The following CDH13 variants were observed in gnomAD, a reference collection of about 807,000 sequenced individuals.
CDH13 encodes the protein cadherin-13.
Under a neutral mutation model 63.8 loss-of-function variants are expected in CDH13, and 24 were observed. The ratio of observed to expected loss-of-function variants is 0.38; its 90% CI spans 0.27 to 0.53. The LOEUF is 0.53. Ranked by LOEUF, CDH13 falls within the 20% of genes least tolerant of loss-of-function variation. CDH13 has a pLI of 0.85. For synonymous variants in CDH13, 503 were observed against 355.3 expected, an observed-to-expected ratio of 1.42 and a Z score of -4.67; for missense variants, 1,049 against 903.1, an observed-to-expected ratio of 1.16 and a Z score of -2.07.
At chr16:83,403,539 C>T (rs1448557893) in intron 6 of CDH13, among the ~76,000 whole-genome samples, 1 of 151,944 alleles carries the variant, frequency 6.6e-6, no homozygotes, top group Non-Finnish European at 1.5e-5. Context: ...AGGAGAGTGG[C>T]GTGAACCTGG....
chr16:83,261,992 C>G (rs1907052361), intron 5 of CDH13, among the ~76,000 whole-genome samples: 3 of 152,144 alleles, frequency 2.0e-5, no homozygotes, highest in Admixed American at 2.0e-4. Flanking sequence ...GGTTTTAATT[C>G]AACCGTAACC....
At chr16:83,480,471 C>T (rs187944359) in intron 6 of CDH13, among the ~76,000 whole-genome samples, 29 of 152,140 alleles carry the variant, frequency 1.9e-4, no homozygotes, top group African/African-American at 4.3e-4. Context: ...TTACTGAGGA[C>T]GGTTAGGAGA....
rs117308139 is a variant in CDH13, at chr16:82,773,005, C to T, written c.46-85357C>T. ...GAAAAAAAACCATGTAGAGAGCGCA[C>T]GAGAGCCCAGAATCAGTAGCTGGGC... On this transcript the variant is annotated intron_variant, in intron 1 of 13. Coordinates refer to ENST00000567109, the MANE Select transcript of CDH13 (RefSeq NM_001257.5). 4.4e-4 allele frequency among the ~76,000 whole-genome samples: 67 copies of T among 152,194 alleles called. 3 individuals carry two copies. The highest frequency in any genetic ancestry group is 1.9e-4 in the East Asian group (1 of 5,164).
intron 1 of CDH13, among the ~76,000 whole-genome samples, chr16:82,791,573 G>C (rs920845227): frequency 5.3e-5 from 8 of 152,130 alleles, no homozygotes; most frequent in Non-Finnish European, 1.2e-4. Flanking sequence ...GCTTGTTAGG[G>C]CTTGAGCTGA....
At chr16:83,736,010 T>G (rs1336855344) in intron 10 of CDH13, 1 of 152,150 alleles carries the variant, frequency 6.6e-6, no homozygotes, top group Non-Finnish European at 1.5e-5. Context: ...AAAGCTTACG[T>G]TGCTACCAAC....
At chr16:83,750,273 G>A (rs937648595) in intron 11 of CDH13, among the ~76,000 whole-genome samples, 3 of 152,100 alleles carry the variant, frequency 2.0e-5, no homozygotes, top group African/African-American at 7.2e-5. Flanking sequence ...TCCAGCCGGG[G>A]TGACAGAGTG....
chr16:82,742,252 C>T (rs781006658), intron 1 of CDH13, among the ~76,000 whole-genome samples: 6 of 152,068 alleles, frequency 3.9e-5, no homozygotes, highest in Non-Finnish European at 7.4e-5. Flanking sequence ...GAAAGAAATA[C>T]AGGAAAATAT....
intron 2 of CDH13, among the ~76,000 whole-genome samples, chr16:82,928,467 G>A (rs1273783517): frequency 6.6e-6 from 1 of 152,160 alleles, no homozygotes; most frequent in Middle Eastern, 3.2e-3. Context: ...GCCACCAGGA[G>A]CATTTGAAAG....
At chr16:83,125,170 G>A (rs1567854012) in intron 3 of CDH13, among the ~76,000 whole-genome samples, 2 of 152,174 alleles carry the variant, frequency 1.3e-5, no homozygotes, top group African/African-American at 4.8e-5. Context: ...GAAGTTGGGT[G>A]TTCAAATAGC....
At chr16:83,179,401 T>C (rs1436380888) in intron 4 of CDH13, among the ~76,000 whole-genome samples, 1 of 149,444 alleles carries the variant, frequency 6.7e-6, no homozygotes, top group Non-Finnish European at 1.5e-5. Flanking sequence ...CCCAGCACTT[T>C]GGGAGGCCGA....
chr16:83,429,415 A>G (rs750747337), intron 6 of CDH13, among the ~76,000 whole-genome samples: 3 of 152,046 alleles, frequency 2.0e-5, no homozygotes, highest in Non-Finnish European at 1.5e-5. Flanking sequence ...TTCAGTCTGG[A>G]TTTTATTCAT....
chr16:83,366,814 CACTT>C (rs1251415917), intron 6 of CDH13, among the ~76,000 whole-genome samples: 4 of 152,138 alleles, frequency 2.6e-5, no homozygotes, highest in Admixed American at 1.3e-4. Context: ...TGGTGGTTGA[CACTT>C]AGGAACTCTC....
chr16:82,883,108 G>T (rs2040762319), intron 2 of CDH13, among the ~76,000 whole-genome samples: 1 of 152,126 alleles, frequency 6.6e-6, no homozygotes, highest in Non-Finnish European at 1.5e-5. Context: ...TGTGACAATG[G>T]GGTTTCACAC....
intron 6 of CDH13, among the ~76,000 whole-genome samples, chr16:83,384,408 A>G (rs2091631682): frequency 6.6e-6 from 1 of 152,168 alleles, no homozygotes; most frequent in South Asian, 2.1e-4. Context: ...AAGGAAATAG[A>G]CTACCGAGGC....
At chr16:83,045,939 T>C (rs1281449320) in intron 3 of CDH13, among the ~76,000 whole-genome samples, 1 of 152,236 alleles carries the variant, frequency 6.6e-6, no homozygotes, top group East Asian at 1.9e-4. Flanking sequence ...TCCTCCAGTC[T>C]ACCCATGTTG....
At chr16:82,667,587 G>A (rs1355444161) in intron 1 of CDH13, among the ~76,000 whole-genome samples, 1 of 152,164 alleles carries the variant, frequency 6.6e-6, no homozygotes. Flanking sequence ...GAGGCTCTCA[G>A]TTCAGAGAGG....
chr16:83,111,067 G>A (rs2151620999), intron 3 of CDH13, among the ~76,000 whole-genome samples: 1 of 150,528 alleles, frequency 6.6e-6, no homozygotes, highest in South Asian at 2.1e-4. Flanking sequence ...AGCTACTCGG[G>A]AGGCTGAGGC....
chr16:83,483,013 C>G (rs949038100), intron 6 of CDH13, among the ~76,000 whole-genome samples: 6 of 152,056 alleles, frequency 3.9e-5, no homozygotes, highest in Admixed American at 1.3e-4. Flanking sequence ...GGCACTGTAC[C>G]AAGTTCTGAA....
intron 3 of CDH13, among the ~76,000 whole-genome samples, chr16:83,058,118 T>C (rs1054054828): frequency 6.6e-6 from 1 of 152,240 alleles, no homozygotes; most frequent in African/African-American, 2.4e-5. Flanking sequence ...TGTCATTCTT[T>C]AGCTCTAAAT....
Sources: allele counts gnomAD v4.1 joint callset (sites outside exome capture counted in the v4.1 genomes callset), GRCh38; gene constraint gnomAD v4.1.1; transcripts MANE v1.5; gene names NCBI Gene and HGNC (gene_info 2026-07-23, HGNC 2026-07-21).